TG: variants seen among roughly 807,000 people sequenced by gnomAD.
TG encodes thyroglobulin.
In TG, 270 loss-of-function variants were observed where a neutral mutation model predicts 324.7. That is an observed-to-expected ratio of 0.83 (90% CI 0.75 to 0.92). The LOEUF (loss-of-function observed/expected upper bound fraction) is 0.92. Ranked by LOEUF, TG falls within the 40% of genes least tolerant of loss-of-function variation. The pLI is 0.00. For missense variants in TG, 3,591 were observed against 3,456.4 expected (o/e 1.04, Z -0.98); for synonymous variants, 1,401 against 1,327.0 (o/e 1.06, Z -1.21).
chr8:132,944,936 A>C (rs1330309152), intron 26 of TG, among the ~76,000 whole-genome samples: 1 of 152,198 alleles, frequency 6.6e-6, no homozygotes, highest in Non-Finnish European at 1.5e-5. Context: ...AAAGAAGAGA[A>C]GCCTAGAGGA....
intron 35 of TG, among the ~76,000 whole-genome samples, chr8:132,998,348 G>C (rs960679546): frequency 3.3e-5 from 5 of 152,186 alleles, no homozygotes; most frequent in African/African-American, 1.2e-4. Flanking sequence ...TGGCTGCAAG[G>C]GGTGGAAGAG....
At chr8:132,942,516 G>A (rs565314181) in intron 26 of TG, among the ~76,000 whole-genome samples, 1 of 152,278 alleles carries the variant, frequency 6.6e-6, no homozygotes, top group South Asian at 2.1e-4. Context: ...AAGTCAACAG[G>A]AGACTCCAAT....
chr8:132,964,202 T>C (rs1234549648), intron 29 of TG, among the ~76,000 whole-genome samples: 1 of 152,036 alleles, frequency 6.6e-6, no homozygotes, highest in Non-Finnish European at 1.5e-5. Context: ...ACTTTAGGGC[T>C]ACTTTAGGGC....
chr8:133,076,454 C>T (rs977879432), intron 41 of TG, among the ~76,000 whole-genome samples: 1 of 152,160 alleles, frequency 6.6e-6, no homozygotes, highest in Admixed American at 6.5e-5. Context: ...GTGAAAACAC[C>T]CGCTCAAGAA....
In TG at chr8:132,898,208, C is replaced by T; in HGVS notation, c.3179C>T (p.Pro1060Leu). Reference sequence around the variant, plus strand: ...GTAGATGAGAAAGGAGGGTTCATCCCTGGCTCACTGACTGCCCGCTCTCTG... The same window carrying T: ...GTAGATGAGAAAGGAGGGTTCATCCTTGGCTCACTGACTGCCCGCTCTCTG... Reference protein sequence around the residue: ...WCVDEKGGFIPGSLTARSLQI... With the variant: ...WCVDEKGGFILGSLTARSLQI... The change falls in exon 13 of 48, where the codon CCT becomes CTT. Residue 1060 changes from proline to leucine, a missense_variant. Transcript: ENST00000220616. 6.2e-6 allele frequency: 10 copies of T among 1,605,348 alleles called. No individual in the cohort carries two copies. Among genetic ancestry groups the T allele is most frequent in the Non-Finnish European group, 7.7e-6 (9 of 1,176,184 alleles).
At chr8:132,986,673 A>G (rs919012149) in intron 35 of TG, among the ~76,000 whole-genome samples, 9 of 152,300 alleles carry the variant, frequency 5.9e-5, no homozygotes, top group Admixed American at 3.9e-4. Flanking sequence ...TAAAAATAGC[A>G]AAGTGAACTA....
intron 41 of TG, chr8:133,047,867 G>A (rs752168666): frequency 1.9e-5 from 31 of 1,611,618 alleles, no homozygotes; most frequent in Admixed American, 8.3e-5. Context: ...TGAAGGAGCC[G>A]ACCTTTGTGT....
intron 27 of TG, among the ~76,000 whole-genome samples, chr8:132,956,445 G>A (rs1826880588): frequency 1.3e-5 from 2 of 152,196 alleles, no homozygotes; most frequent in South Asian, 4.1e-4. Context: ...AAACTCAGAG[G>A]ACGGGGGTGT....
chr8:132,919,645 G>T, intron 21 of TG, 120 bp downstream of exon 21: 1 of 1,418,588 alleles, frequency 7.0e-7, no homozygotes, highest in Non-Finnish European at 9.8e-7. Context: ...TGCAGGGTTG[G>T]CCTGTGCTTG....
rs60890614 is a variant in TG, at chr8:132,964,687, A to T, written c.5548+1613A>T. 4.8e-3 allele frequency: 2,756 copies of T among 569,906 alleles called. 68 individuals are homozygous for T. Among genetic ancestry groups the T allele is most frequent in the African/African-American group, 0.047 (2,521 of 53,166 alleles). The allele number at this position is 569,906 out of a possible 1,614,324, so 35.3% of individuals were successfully genotyped here. The stretch of plus-strand genomic sequence containing the variant: ...ATACGGCACGTAAACCAGGTATAAG[A>T]TGAAGTGGCTACAGTATTCATTCTT... On this transcript the variant is annotated intron_variant, in intron 29 of 47. Transcript: ENST00000220616.
intron 41 of TG, chr8:133,047,816 TG>T: frequency 1.4e-6 from 2 of 1,395,424 alleles, no homozygotes; most frequent in Non-Finnish European, 2.0e-6. Flanking sequence ...AAAGATGAGT[TG>T]GGGGCCACTC....
chr8:133,084,896 G>A (rs1259470591), intron 41 of TG, among the ~76,000 whole-genome samples: 1 of 152,268 alleles, frequency 6.6e-6, no homozygotes, highest in Non-Finnish European at 1.5e-5. Context: ...GGCACATAGA[G>A]GGTGGGTAGT....
At chr8:133,075,650 T>G (rs933139134) in intron 41 of TG, among the ~76,000 whole-genome samples, 2 of 152,166 alleles carry the variant, frequency 1.3e-5, no homozygotes, top group African/African-American at 4.8e-5. Context: ...TTCAAAGAGT[T>G]TGTTAAAAGA....
chr8:133,039,035 G>A (rs192810814), intron 41 of TG, among the ~76,000 whole-genome samples: 243 of 152,080 alleles, frequency 1.6e-3, no homozygotes, highest in Middle Eastern at 6.8e-3. Context: ...CCACCACCAC[G>A]CCCAGCTAAT....
chr8:132,974,145 C>G (rs1275341612), intron 34 of TG, among the ~76,000 whole-genome samples: 1 of 152,080 alleles, frequency 6.6e-6, no homozygotes. Flanking sequence ...AGGCCCCCAC[C>G]ACCATGCCCA....
At chr8:133,019,404 AG>A (rs1300471293) in intron 38 of TG, among the ~76,000 whole-genome samples, 197 bp from the exon 39 acceptor site, 1 of 152,226 alleles carries the variant, frequency 6.6e-6, no homozygotes, top group Non-Finnish European at 1.5e-5. Context: ...CAGTGGCCAG[AG>A]AGCGGTGGGC....
intron 43 of TG, among the ~76,000 whole-genome samples, chr8:133,099,184 G>T (rs566160161): frequency 6.6e-6 from 1 of 152,370 alleles, no homozygotes; most frequent in African/African-American, 2.4e-5. Flanking sequence ...GCACAGCAGA[G>T]CAGCTGCTAG....
chr8:132,904,843 C>T (rs79496463), intron 16 of TG, among the ~76,000 whole-genome samples: 3,906 of 152,334 alleles, frequency 0.026, 65 homozygotes, highest in Middle Eastern at 0.041. Context: ...GATGCTTACA[C>T]ACTCATTGAC....
chr8:133,070,017 AAAAAAAAAAG>A (rs1275605271), intron 41 of TG, among the ~76,000 whole-genome samples: 4 of 95,754 alleles, frequency 4.2e-5, no homozygotes, highest in African/African-American at 1.0e-4. Context: ...AAAAAAAAAA[AAAAAAAAAAG>A]AAAGAAAGAA....
Sources: allele counts gnomAD v4.1 joint callset (sites outside exome capture counted in the v4.1 genomes callset), GRCh38; gene constraint gnomAD v4.1.1; transcripts MANE v1.5; gene names NCBI Gene and HGNC (gene_info 2026-07-23, HGNC 2026-07-21).